Variants in NBPF26 observed in about 807,000 individuals in gnomAD.
NBPF26 encodes NBPF family member NBPF26.
A neutral mutation model predicts 119.6 loss-of-function variants in NBPF26; 79 were observed. That is an observed-to-expected ratio of 0.66 (90% CI 0.55 to 0.80). NBPF26 has a LOEUF of 0.80. NBPF26 is among the 30% of genes least tolerant of loss of function. The pLI, the probability that NBPF26 is intolerant of heterozygous loss-of-function variation, is 0.00. For synonymous variants in NBPF26, 299 were observed against 457.7 expected (o/e 0.65, Z 4.43); for missense variants, 800 against 1,198.2 (o/e 0.67, Z 4.91).
At position 120,770,272 on chromosome 1, in the gene NBPF26, C is replaced by T. The variant is rs1356822695; in HGVS notation, c.155+6563C>T. On this transcript the variant is annotated intron_variant, in intron 2 of 29. Coordinates refer to ENST00000620612, the Ensembl canonical transcript of NBPF26. ...GCAAGCTCCGCCTCCCGGGTTCATGCCATTCTCCTGCCTCAGCCTCTCAAG... is the reference window on the plus strand; with the variant it reads ...GCAAGCTCCGCCTCCCGGGTTCATGTCATTCTCCTGCCTCAGCCTCTCAAG... Among the ~76,000 whole-genome samples the T allele has an allele frequency of 5.6e-5, 6 of 106,446 alleles. 2 individuals carry two copies. The highest frequency in any genetic ancestry group is 1.2e-4 in the African/African-American group (2 of 16,356). The allele number at this position is 106,446 out of a possible 152,430, so 69.8% of individuals were successfully genotyped here.
chr1:120,808,694 A>T, exon 7 of NBPF26: 1 of 625,836 alleles, frequency 1.6e-6, no homozygotes, highest in South Asian at 1.7e-5. Context: ...CAGGGGCAGG[A>T]CCTCCAAGAA....
intron 3 of NBPF26, among the ~76,000 whole-genome samples, chr1:120,792,447 A>G (rs1395105982): frequency 1.1e-5 from 1 of 94,582 alleles, no homozygotes; most frequent in African/African-American, 6.9e-5. Flanking sequence ...AGAGGTTGGA[A>G]CTTTTGAGTA....
In NBPF26 at chr1:120,776,093, T is replaced by C. The variant is rs1363272667; in HGVS notation, c.156-8881T>C. On this transcript the variant is annotated intron_variant, in intron 2 of 29. Coordinates refer to ENST00000620612, the Ensembl canonical transcript of NBPF26. ...TAAAGATTCCACAGAGCCCTTCACT[T>C]TGACCTTTTGCTTCTGCACTGAATA... 2.3e-4 allele frequency among the ~76,000 whole-genome samples: 27 copies of C among 116,256 alleles called. 4 individuals are homozygous for C. Among genetic ancestry groups the C allele is most frequent in the Non-Finnish European group, 4.1e-4 (25 of 60,878 alleles). The allele number at this position is 116,256 out of a possible 152,430, so 76.3% of individuals were successfully genotyped here.
chr1:120,727,797 G>C lies in NBPF26; in HGVS notation c.73+3547G>C, dbSNP rs1650831647. ...CCTTCCACGCTTTCCTGATTTTCCT[G>C]TTTTTGTTTCCCCCCCTTTCTCTGC... On this transcript the variant is annotated intron_variant, in intron 1 of 29. Transcript: ENST00000620612. 5.1e-5 allele frequency among the ~76,000 whole-genome samples: 6 copies of C among 117,544 alleles called. 3 individuals are homozygous for C. Among genetic ancestry groups the C allele is most frequent in the African/African-American group, 9.9e-5 (2 of 20,152 alleles). 77.1% of individuals were successfully genotyped at this position (117,544 alleles called of 152,430 possible). A position where few individuals can be genotyped will look rare whatever the true frequency, so the allele number is the denominator to read the frequency against.
At position 120,811,332 on chromosome 1, in the gene NBPF26, G is replaced by T. The variant is rs1476507038; in HGVS notation, c.1565-554G>T. Among the ~76,000 whole-genome samples, 3 of 110,668 alleles carry T rather than the reference G, an allele frequency of 2.7e-5. 1 individual carries two copies. The highest frequency in any genetic ancestry group is 1.6e-4 in the African/African-American group (3 of 18,862). The allele number at this position is 110,668 out of a possible 152,430, so 72.6% of individuals were successfully genotyped here. A position where few individuals can be genotyped will look rare whatever the true frequency, so the allele number is the denominator to read the frequency against. ...AGGCCGAGGTGGGCGGAACACCTGAGCTCAGGAGTTCAAAACCAGCCTGTC... is the reference window on the plus strand; with the variant it reads ...AGGCCGAGGTGGGCGGAACACCTGATCTCAGGAGTTCAAAACCAGCCTGTC... On this transcript the variant is annotated intron_variant, in intron 9 of 29. Coordinates refer to ENST00000620612, the Ensembl canonical transcript of NBPF26.
chr1:120,786,217 GA>G (rs1286506507), intron 3 of NBPF26, among the ~76,000 whole-genome samples: 1 of 59,994 alleles, frequency 1.7e-5, no homozygotes, highest in East Asian at 4.2e-4. Context: ...TCACCTTGTT[GA>G]CAGAAATACG....
intron 2 of NBPF26, among the ~76,000 whole-genome samples, chr1:120,769,328 C>T (rs1651234267): frequency 6.6e-6 from 1 of 151,028 alleles, no homozygotes; most frequent in African/African-American, 2.5e-5. Context: ...TTTCCTTCAC[C>T]TTCTTGTGAG....
intron 10 of NBPF26, among the ~76,000 whole-genome samples, chr1:120,813,266 A>T (rs1264272993): frequency 8.0e-6 from 1 of 124,780 alleles, no homozygotes; most frequent in Non-Finnish European, 1.6e-5. Flanking sequence ...ATTGGCACAG[A>T]GTAAACACTA....
At position 120,809,702 on chromosome 1, in the gene NBPF26, GTACAATGCTGAACCATACA is replaced by G. The variant is rs1295128357; in HGVS notation, c.1280-106_1280-88del. The G allele has an allele frequency of 2.9e-6, 4 of 1,357,764 alleles. No individual in the cohort carries two copies. In the African/African-American group the frequency reaches 6.7e-5, roughly 23 times the overall value. 84.1% of individuals were successfully genotyped at this position (1,357,764 alleles called of 1,614,324 possible). A position where few individuals can be genotyped will look rare whatever the true frequency, so the allele number is the denominator to read the frequency against. ...GAAAGATAAAACATGAGAGTTTTCA[GTACAATGCTGAACCATACA>G]TAGATGTTCATGTCTCTGTGCACGT... On this transcript the variant is annotated intron_variant, in intron 7 of 29. Coordinates refer to ENST00000620612, the Ensembl canonical transcript of NBPF26.
chr1:120,811,084 CA>C lies in NBPF26; in HGVS notation c.1564+540del, dbSNP rs1271078942. On this transcript the variant is annotated intron_variant, in intron 9 of 29. Transcript: ENST00000620612. ...TGAAACCCCGTCTTTACTAAAAATA[CA>C]AAAAAAAAAAAAATTAGCTGGGTGT... Among the ~76,000 whole-genome samples the C allele has an allele frequency of 5.8e-3, 486 of 83,188 alleles. 90 individuals carry two copies. Among genetic ancestry groups the C allele is most frequent in the African/African-American group, 0.01 (127 of 12,306 alleles). 54.6% of individuals were successfully genotyped at this position (83,188 alleles called of 152,430 possible). A position where few individuals can be genotyped will look rare whatever the true frequency, so the allele number is the denominator to read the frequency against.
chr1:120,790,340 C>T lies in NBPF26; in HGVS notation c.416-2821C>T, dbSNP rs2101465385. 1.8e-5 allele frequency among the ~76,000 whole-genome samples: 2 copies of T among 113,240 alleles called. 1 individual carries two copies. Among genetic ancestry groups the T allele is most frequent in the Non-Finnish European group, 3.3e-5 (2 of 59,808 alleles). The allele number at this position is 113,240 out of a possible 152,430, so 74.3% of individuals were successfully genotyped here. Reference sequence around the variant, plus strand: ...ATTCTGATCATCTTTTATACATATGCTATTTTTGTCTATCACTTTAGGAAT... The same window carrying T: ...ATTCTGATCATCTTTTATACATATGTTATTTTTGTCTATCACTTTAGGAAT... On this transcript the variant is annotated intron_variant, in intron 3 of 29. Transcript: ENST00000620612.
At chr1:120,840,125 C>T (rs1197436891) in intron 29 of NBPF26, among the ~76,000 whole-genome samples, 1 of 11,854 alleles carries the variant, frequency 8.4e-5, no homozygotes. Context: ...AGGTCACTTT[C>T]TCTCTGTCTC....
intron 18 of NBPF26, among the ~76,000 whole-genome samples, chr1:120,825,166 A>C (rs1652233669): frequency 8.3e-6 from 1 of 120,690 alleles, no homozygotes; most frequent in Non-Finnish European, 1.6e-5. Context: ...ATCTTGAGCA[A>C]GTTTATGGAA....
Position 120,728,812 on chromosome 1 carries a change from C to CTT in NBPF26, c.73+4574_73+4575dup, listed in dbSNP as rs1348211431. Among the ~76,000 whole-genome samples the CTT allele has an allele frequency of 6.1e-4, 62 of 101,974 alleles. 13 individuals are homozygous for CTT. Among genetic ancestry groups the CTT allele is most frequent in the African/African-American group, 3.2e-3 (54 of 16,800 alleles). 66.9% of individuals were successfully genotyped at this position (101,974 alleles called of 152,430 possible). A position where few individuals can be genotyped will look rare whatever the true frequency, so the allele number is the denominator to read the frequency against. On this transcript the variant is annotated intron_variant, in intron 1 of 29. Transcript: ENST00000620612. ...ATGTACATTTAGTAAAGTATATTTG[C>CTT]TTTTTTTTTTTTTGAACCAAGAGAG...
exon 3 of NBPF26, chr1:120,785,086 T>C (rs1651406357): frequency 6.9e-7 from 1 of 1,446,144 alleles, no homozygotes. Flanking sequence ...GAAAGCCACG[T>C]GCCGGTGTGC....
chr1:120,809,630 G>A (rs1243330202), intron 7 of NBPF26, among the ~76,000 whole-genome samples, 181 bp from the exon 8 acceptor site: 1 of 150,812 alleles, frequency 6.6e-6, no homozygotes, highest in East Asian at 1.9e-4. Flanking sequence ...CTCCACATCA[G>A]AAATGCATTG....
intron 2 of NBPF26, among the ~76,000 whole-genome samples, chr1:120,784,391 T>C (rs1228481470): frequency 8.6e-6 from 1 of 116,120 alleles, no homozygotes; most frequent in Non-Finnish European, 1.6e-5. Context: ...CAGTTACAGC[T>C]CTCATCTATT....
intron 1 of NBPF26, among the ~76,000 whole-genome samples, chr1:120,743,761 CAGA>C (rs1650955517): frequency 8.1e-6 from 1 of 122,986 alleles, no homozygotes; most frequent in East Asian, 2.2e-4. Context: ...GCCTGCATTC[CAGA>C]AGTTCTGGTA....
rs1652136019 is a variant in NBPF26 at position 120,822,316 on chromosome 1, T to C, written c.2587+49T>C. On this transcript the variant is annotated intron_variant, in intron 16 of 29. Transcript: ENST00000620612. ...ATAAAGCTCCAGTTCATGGCCCAGG[T>C]AGACCCCATAATCTTTGGGCCTTGT... 7.6e-6 allele frequency: 6 copies of C among 784,718 alleles called. 1 individual carries two copies. The highest frequency in any genetic ancestry group is 5.6e-5 in the East Asian group (2 of 36,032). 48.6% of individuals were successfully genotyped at this position (784,718 alleles called of 1,614,324 possible).
Sources: gnomAD v4.1 joint callset for allele counts (sites outside exome capture counted in the v4.1 genomes callset) on GRCh38, gnomAD v4.1.1 for gene constraint, MANE v1.5 for transcripts, NCBI Gene and HGNC (gene_info 2026-07-23, HGNC 2026-07-21) for gene names.